The following EBF2 variants were observed in gnomAD, a reference collection of about 807,000 sequenced individuals.
The protein encoded by EBF2 is EBF transcription factor 2.
In EBF2, 21 loss-of-function variants were observed where a neutral mutation model predicts 72.8. The observed-to-expected ratio is 0.29, with a 90% CI of 0.20 to 0.42. EBF2 has a LOEUF of 0.42. EBF2 is among the 10% of genes least tolerant of loss of function. The probability of loss-of-function intolerance (pLI) is 1.00; values close to 1 mark genes in which losing one functional copy is unlikely to be tolerated. For synonymous variants in EBF2, 299 were observed against 274.2 expected (o/e 1.09, Z -0.89); for missense variants, 637 against 731.2 (o/e 0.87, Z 1.49).
chr8:26,040,910 C>CG, intron 3 of EBF2, 29 bp downstream of exon 3: 1 of 1,613,840 alleles, frequency 6.2e-7, no homozygotes, highest in East Asian at 2.2e-5. Flanking sequence ...TGCTAGGCGC[C>CG]GGCTCACCGT....
At chr8:25,961,880 T>C (rs1299560544) in intron 6 of EBF2, among the ~76,000 whole-genome samples, 4 of 152,196 alleles carry the variant, frequency 2.6e-5, no homozygotes, top group African/African-American at 9.6e-5. Context: ...TCTTATCAAG[T>C]TAAAAGCTCA....
intron 7 of EBF2, among the ~76,000 whole-genome samples, chr8:25,907,479 A>T (rs183696835): frequency 2.7e-5 from 4 of 150,778 alleles, no homozygotes; most frequent in Admixed American, 1.3e-4. Flanking sequence ...AGAAGACAAC[A>T]GCAAAAGATA....
chr8:26,007,410 A>T (rs1804899789), intron 6 of EBF2, among the ~76,000 whole-genome samples: 1 of 152,034 alleles, frequency 6.6e-6, no homozygotes, highest in Admixed American at 6.5e-5. Flanking sequence ...TTGTTTCATC[A>T]TGTTCTCCTG....
chr8:26,011,073 G>A (rs1241147497), intron 6 of EBF2, among the ~76,000 whole-genome samples: 2 of 151,724 alleles, frequency 1.3e-5, no homozygotes, highest in Non-Finnish European at 2.9e-5. Context: ...CCACTGCTTC[G>A]GACTCTAAGC....
intron 6 of EBF2, among the ~76,000 whole-genome samples, chr8:25,967,847 G>A (rs572064273): frequency 7.2e-5 from 11 of 152,280 alleles, no homozygotes; most frequent in Admixed American, 3.3e-4. Flanking sequence ...ACACTCACAC[G>A]TAAAACAAGG....
rs74524832 is a variant in EBF2, at chr8:25,985,727, C to T, written c.551+47358G>A. On this transcript the variant is annotated intron_variant, in intron 6 of 15. Coordinates refer to ENST00000520164, the MANE Select transcript of EBF2 (RefSeq NM_022659.4). ...TTAAGCAAGGAAGTGAGGCCAGACA[C>T]GGTCGCTTATGCCTGTAATCCCAAC... Among the ~76,000 whole-genome samples the T allele has an allele frequency of 1.7e-3, 261 of 152,242 alleles. 1 individual carries two copies. The highest frequency in any genetic ancestry group is 2.4e-3 in the African/African-American group (100 of 41,542).
In EBF2 at chr8:26,044,969, G is replaced by C; in HGVS notation, c.-110C>G. 8.1e-7 allele frequency: 1 copy of C among 1,230,166 alleles called. No homozygotes were observed. The highest frequency in any genetic ancestry group is 1.1e-6 in the Non-Finnish European group (1 of 895,210). 76.2% of individuals were successfully genotyped at this position (1,230,166 alleles called of 1,614,324 possible). ...TCTCCTCCAAAGCAATCCAAGAAAAGGGATCAAGTGCCCAAGTTTGAGTCT... is the reference window on the plus strand; with the variant it reads ...TCTCCTCCAAAGCAATCCAAGAAAACGGATCAAGTGCCCAAGTTTGAGTCT... On this transcript the variant is annotated 5_prime_UTR_variant, in exon 1 of 16. Transcript: ENST00000520164. This position sits in a 1 kb window ranked among gnomAD's most constrained non-coding sequence, Gnocchi z 4.1.
intron 6 of EBF2, among the ~76,000 whole-genome samples, chr8:25,962,073 G>A (rs1804043722): frequency 6.6e-6 from 1 of 152,062 alleles, no homozygotes; most frequent in Non-Finnish European, 1.5e-5. Context: ...ACAAGGAGGG[G>A]GCCAGGGAGG....
intron 6 of EBF2, among the ~76,000 whole-genome samples, chr8:25,984,648 C>CT (rs1419696771): frequency 1.3e-5 from 2 of 151,904 alleles, no homozygotes; most frequent in African/African-American, 4.8e-5. Flanking sequence ...TGCCACTGCA[C>CT]TCCAGCCTGG....
At chr8:25,970,248 C>CGGGAT (rs1804170568) in intron 6 of EBF2, among the ~76,000 whole-genome samples, 1 of 152,164 alleles carries the variant, frequency 6.6e-6, no homozygotes, top group Non-Finnish European at 1.5e-5. Context: ...GCTGACATCC[C>CGGGAT]CATCCTAGGC....
At chr8:25,961,194 A>G (rs532900165) in intron 6 of EBF2, among the ~76,000 whole-genome samples, 51 of 152,344 alleles carry the variant, frequency 3.3e-4, no homozygotes, top group African/African-American at 1.2e-3. Flanking sequence ...AGTACATATC[A>G]TTTATATTAT....
At chr8:25,912,829 C>G (rs1358906164) in intron 6 of EBF2, among the ~76,000 whole-genome samples, 2 of 152,148 alleles carry the variant, frequency 1.3e-5, no homozygotes, top group East Asian at 1.9e-4. Flanking sequence ...TTTCCAATCT[C>G]TAACATACTG....
At chr8:25,996,403 C>T (rs559241526) in intron 6 of EBF2, among the ~76,000 whole-genome samples, 1 of 151,682 alleles carries the variant, frequency 6.6e-6, no homozygotes, top group African/African-American at 2.4e-5. Flanking sequence ...TTTTTCTAAC[C>T]AAACTGAATA....
intron 6 of EBF2, among the ~76,000 whole-genome samples, chr8:25,944,461 C>A (rs1275410694): frequency 6.6e-6 from 1 of 151,946 alleles, no homozygotes; most frequent in African/African-American, 2.4e-5. Context: ...TTTGAAATCC[C>A]TTTGGCATCT....
intron 6 of EBF2, among the ~76,000 whole-genome samples, chr8:26,019,393 A>G (rs879406775): frequency 2.6e-5 from 4 of 152,176 alleles, no homozygotes; most frequent in African/African-American, 9.7e-5. Flanking sequence ...GAAGAGACCA[A>G]GATATTCCAC....
chr8:25,998,709 G>T (rs573344417), intron 6 of EBF2, among the ~76,000 whole-genome samples: 1 of 152,156 alleles, frequency 6.6e-6, no homozygotes, highest in African/African-American at 2.4e-5. Flanking sequence ...TTTAAACTCA[G>T]ATAATGATGT....
intron 4 of EBF2, 51 bp from the exon 5 acceptor site, chr8:26,040,152 C>A (rs764329233): frequency 1.9e-6 from 3 of 1,578,686 alleles, no homozygotes; most frequent in African/African-American, 1.3e-5. Context: ...GGGTGGGGGG[C>A]AAGGAAAGAA....
At chr8:25,960,859 A>G (rs1804023782) in intron 6 of EBF2, among the ~76,000 whole-genome samples, 1 of 152,252 alleles carries the variant, frequency 6.6e-6, no homozygotes, top group African/African-American at 2.4e-5. Flanking sequence ...TATCTTCCTT[A>G]TCTCTTTCAA....
chr8:25,948,013 C>T (rs150852131), intron 6 of EBF2, among the ~76,000 whole-genome samples: 46 of 152,340 alleles, frequency 3.0e-4, no homozygotes, highest in African/African-American at 9.6e-4. Context: ...GCATAATAAA[C>T]GTGTCCTAAG....
Sources: allele counts gnomAD v4.1 joint callset (sites outside exome capture counted in the v4.1 genomes callset), GRCh38; gene constraint gnomAD v4.1.1; non-coding constraint Gnocchi (gnomAD v3.1); transcripts MANE v1.5; gene names NCBI Gene and HGNC (gene_info 2026-07-23, HGNC 2026-07-21).